The following IFT88 variants were observed in gnomAD, a reference collection of about 807,000 sequenced individuals.
IFT88 encodes intraflagellar transport 88, also known as intraflagellar transport protein 88 homolog.
Under a neutral mutation model 119.5 loss-of-function variants are expected in IFT88, and 74 were observed. The ratio of observed to expected loss-of-function variants is 0.62; its 90% CI spans 0.51 to 0.75. IFT88 has a LOEUF of 0.75. Ranked by LOEUF, IFT88 falls within the 30% of genes least tolerant of loss-of-function variation. IFT88 has a pLI of 0.00. For missense variants in IFT88, 961 were observed against 977.7 expected (o/e 0.98, Z 0.23); for synonymous variants, 279 against 316.7 (o/e 0.88, Z 1.26).
At chr13:20,687,048 A>C (rs9552260) in intron 24 of IFT88, among the ~76,000 whole-genome samples, 7,431 of 139,730 alleles carry the variant, frequency 0.053, 474 homozygotes, top group East Asian at 0.31. Flanking sequence ...AAAAAAAAAA[A>C]ACCTCATATT....
Position 20,601,554 on chromosome 13 carries a change from G to T in IFT88, c.813-151G>T, listed in dbSNP as rs969549500. 4 of 542,188 alleles carry T rather than the reference G, an allele frequency of 7.4e-6. No individual in the cohort carries two copies. The African/African-American group carries it at 7.6e-5, about 10-fold the overall frequency. The allele number at this position is 542,188 out of a possible 1,614,324, so 33.6% of individuals were successfully genotyped here. On this transcript the variant is annotated intron_variant, in intron 11 of 25. Transcript: ENST00000351808. Reference sequence around the variant, plus strand: ...TATACTTAAAATGAGTGAATTTTATGGTATTTATATAAAGCTTTTATCAAT... The same window carrying T: ...TATACTTAAAATGAGTGAATTTTATTGTATTTATATAAAGCTTTTATCAAT...
chr13:20,599,479 C>G lies in IFT88; in HGVS notation c.726C>G (p.Ile242Met). 6.9e-7 allele frequency: 1 copy of G among 1,457,262 alleles called. No individual in the cohort carries two copies. Among genetic ancestry groups the G allele is most frequent in the Non-Finnish European group, 9.5e-7 (1 of 1,054,224 alleles). 90.3% of individuals were successfully genotyped at this position (1,457,262 alleles called of 1,614,324 possible). A position where few individuals can be genotyped will look rare whatever the true frequency, so the allele number is the denominator to read the frequency against. The change falls in exon 11 of 26, where the codon ATC (isoleucine) becomes ATG (methionine). Residue 242 changes from isoleucine to methionine, a missense_variant. Ile to Met is a conservative substitution (Grantham distance 10). Transcript: ENST00000351808. ...TATTGAAAATGAATATGGGAAATAT[C>G]TATTTAAAGCAAAGAAATTATTCCA... ...AGILKMNMGN[I>M]YLKQRNYSKA...
chr13:20,660,217 A>G (rs1428967050), intron 22 of IFT88, among the ~76,000 whole-genome samples: 1 of 152,182 alleles, frequency 6.6e-6, no homozygotes, highest in Admixed American at 6.5e-5. Context: ...TTTCTGTTAA[A>G]TTAGCATTTG....
At chr13:20,639,534 G>A (rs1169723479) in intron 17 of IFT88, among the ~76,000 whole-genome samples, 1 of 152,138 alleles carries the variant, frequency 6.6e-6, no homozygotes, top group Non-Finnish European at 1.5e-5. Flanking sequence ...GTGGAGTCTG[G>A]GAGAGCCTCA....
intron 13 of IFT88, chr13:20,607,136 T>C: frequency 2.5e-6 from 1 of 402,840 alleles, no homozygotes; most frequent in Non-Finnish European, 5.1e-6. Flanking sequence ...GACTGTGTCC[T>C]TGTGCCACAT....
intron 20 of IFT88, among the ~76,000 whole-genome samples, chr13:20,647,777 A>G (rs566284822): frequency 1.6e-4 from 25 of 152,182 alleles, no homozygotes; most frequent in Non-Finnish European, 3.2e-4. Flanking sequence ...GGGAGGAGAG[A>G]GACTATTTGA....
chr13:20,690,937 C>G (rs911424733), intron 25 of IFT88, 117 bp from the exon 26 acceptor site: 34 of 1,409,584 alleles, frequency 2.4e-5, no homozygotes, highest in Non-Finnish European at 3.2e-5. Flanking sequence ...TTTAAAATGA[C>G]TTGGGAGACC....
intron 24 of IFT88, among the ~76,000 whole-genome samples, chr13:20,688,060 G>A (rs913369502): frequency 6.6e-6 from 1 of 152,230 alleles, no homozygotes; most frequent in African/African-American, 2.4e-5. Flanking sequence ...CTCTGGCCGG[G>A]CACGGTGGCT....
Position 20,687,048 on chromosome 13 carries a change from A to AAC in IFT88, c.2243-3656_2243-3655dup, listed in dbSNP as rs1594947868. ...AAAAAAAAAAAAAAAAAAAAAAAAAAACCTCATATTTAAAAACTACGTCAC... is the reference window on the plus strand; with the variant it reads ...AAAAAAAAAAAAAAAAAAAAAAAAAAACACCTCATATTTAAAAACTACGTCAC... On this transcript the variant is annotated intron_variant, in intron 24 of 25. Transcript: ENST00000351808. Among the ~76,000 whole-genome samples, 8 of 139,840 alleles carry AAC rather than the reference A, an allele frequency of 5.7e-5. No individual in the cohort carries two copies. The East Asian group carries it at 1.5e-3, about 25-fold the overall frequency. The allele number at this position is 139,840 out of a possible 152,430, so 91.7% of individuals were successfully genotyped here.
intron 23 of IFT88, among the ~76,000 whole-genome samples, chr13:20,666,268 G>A (rs1048265442): frequency 6.6e-6 from 1 of 152,224 alleles, no homozygotes; most frequent in African/African-American, 2.4e-5. Context: ...TATCTGTGGT[G>A]AAATTATTTT....
intron 14 of IFT88, among the ~76,000 whole-genome samples, chr13:20,621,050 G>A (rs2046396201): frequency 6.6e-6 from 1 of 151,840 alleles, no homozygotes; most frequent in Admixed American, 6.6e-5. Flanking sequence ...CCTAGCTTAT[G>A]GTTTGGTGTT....
chr13:20,593,468 T>G (rs1305944137), intron 7 of IFT88, among the ~76,000 whole-genome samples: 3 of 151,836 alleles, frequency 2.0e-5, no homozygotes, highest in Non-Finnish European at 4.4e-5. Context: ...AGAACTGGAA[T>G]TAGTCACTAT....
At chr13:20,620,211 TTC>T (rs1197794286) in intron 14 of IFT88, among the ~76,000 whole-genome samples, 1 of 152,194 alleles carries the variant, frequency 6.6e-6, no homozygotes, top group Non-Finnish European at 1.5e-5. Flanking sequence ...TTTTTTTCTT[TTC>T]TCTCTCTTTT....
At chr13:20,682,909 C>T (rs1371124239) in intron 24 of IFT88, among the ~76,000 whole-genome samples, 2 of 152,172 alleles carry the variant, frequency 1.3e-5, no homozygotes, top group Non-Finnish European at 2.9e-5. Flanking sequence ...CACAGTCTTG[C>T]TCAGCTAAGG....
intron 1 of IFT88, chr13:20,567,786 G>A (rs2035195370): frequency 2.2e-6 from 3 of 1,345,934 alleles, no homozygotes; most frequent in East Asian, 5.1e-5. Context: ...AAAACGTGAA[G>A]TACTGTTGTC....
intron 5 of IFT88, among the ~76,000 whole-genome samples, chr13:20,591,276 A>T (rs1255192434): frequency 2.0e-5 from 3 of 152,196 alleles, no homozygotes; most frequent in African/African-American, 7.2e-5. Flanking sequence ...AATTGCTTAT[A>T]TGATGTATTC....
At chr13:20,567,812 A>G in intron 1 of IFT88, 2 of 1,300,248 alleles carry the variant, frequency 1.5e-6, no homozygotes, top group African/African-American at 3.0e-5. Flanking sequence ...ATTCTTTCTA[A>G]GCCTAAAATT....
Position 20,639,094 on chromosome 13 carries a change from A to G in IFT88, c.1573+576A>G, listed in dbSNP as rs371414536. Among the ~76,000 whole-genome samples, 356 of 152,212 alleles carry G rather than the reference A, an allele frequency of 2.3e-3. 1 individual carries two copies. Among genetic ancestry groups the G allele is most frequent in the South Asian group, 0.017 (82 of 4,814 alleles). On this transcript the variant is annotated intron_variant, in intron 17 of 25. Transcript: ENST00000351808. ...TGGGCATCATCACCCCTGGGCATGA[A>G]TTTTCAGTATTGCAAACACATGTCC...
intron 18 of IFT88, chr13:20,642,520 C>T (rs948278784): frequency 6.6e-6 from 1 of 152,460 alleles, no homozygotes; most frequent in African/African-American, 2.4e-5. Flanking sequence ...AGGAGAATCA[C>T]TTGAACCTGG....
Sources: gnomAD v4.1 joint callset for allele counts (sites outside exome capture counted in the v4.1 genomes callset) on GRCh38, gnomAD v4.1.1 for gene constraint, MANE v1.5 for transcripts, NCBI Gene and HGNC (gene_info 2026-07-23, HGNC 2026-07-21) for gene names.